Variants in KIR2DL4 observed in about 807,000 individuals in gnomAD.
The protein encoded by KIR2DL4 is killer cell immunoglobulin like receptor, two Ig domains and long cytoplasmic tail 4.
In KIR2DL4, 41 loss-of-function variants were observed where a neutral mutation model predicts 31.0. The ratio of observed to expected loss-of-function variants is 1.32; its 90% CI spans 1.03 to 1.72. KIR2DL4 has a LOEUF of 1.72. Among genes scored for constraint, KIR2DL4 ranks in the 40% most tolerant of loss-of-function variants. KIR2DL4 has a pLI of 0.00. For synonymous variants in KIR2DL4, 164 were observed against 133.6 expected (o/e 1.23, Z -1.57); for missense variants, 438 against 353.7 (o/e 1.24, Z -1.91).
chr19:54,807,541 G>C (rs1485830042), intron 4 of KIR2DL4, among the ~76,000 whole-genome samples: 2 of 150,538 alleles, frequency 1.3e-5, no homozygotes, highest in Admixed American at 6.6e-5. Context: ...GGATTCAAGT[G>C]ATTCTCCAGC....
intron 2 of KIR2DL4, among the ~76,000 whole-genome samples, chr19:54,804,144 T>C (rs2060351140): frequency 6.7e-6 from 1 of 150,070 alleles, no homozygotes; most frequent in South Asian, 2.1e-4. Flanking sequence ...TAAGAGGAGA[T>C]CCTGGTATGC....
chr19:54,814,471 G>T (rs2061099592), exon 8 of KIR2DL4: 2 of 305,390 alleles, frequency 6.5e-6, no homozygotes, highest in African/African-American at 2.3e-5. Flanking sequence ...AAATTTTTTT[G>T]ATTTCAGTGT....
chr19:54,806,321 A>G, intron 4 of KIR2DL4, 77 bp downstream of exon 4: 1 of 1,430,014 alleles, frequency 7.0e-7, no homozygotes, highest in Non-Finnish European at 9.7e-7. Context: ...GATGATGGAG[A>G]GAAGCATGGA....
chr19:54,806,859 A>G (rs370461396), intron 4 of KIR2DL4, among the ~76,000 whole-genome samples: 1 of 150,278 alleles, frequency 6.7e-6, no homozygotes, highest in African/African-American at 2.5e-5. Flanking sequence ...AGACAAAAAA[A>G]ATAAAATTAG....
chr19:54,807,744 T>C (rs4969516), intron 4 of KIR2DL4, among the ~76,000 whole-genome samples: 48,407 of 146,354 alleles, frequency 0.33, 9,349 homozygotes, highest in African/African-American at 0.5. Context: ...AATCTCTTTT[T>C]AGTTTTTAAG....
At chr19:54,803,729 A>G in intron 1 of KIR2DL4, 38 bp downstream of exon 1, 1 of 1,601,554 alleles carries the variant, frequency 6.2e-7, no homozygotes, top group South Asian at 1.1e-5. Context: ...GGGTTACACT[A>G]TGGGCCTGCA....
intron 5 of KIR2DL4, among the ~76,000 whole-genome samples, chr19:54,812,618 TGC>T (rs2060929508): frequency 6.7e-6 from 1 of 150,330 alleles, no homozygotes; most frequent in African/African-American, 2.5e-5. Context: ...TATTTCTGGC[TGC>T]GGCCTCAGGC....
At position 54,806,419 on chromosome 19, in the gene KIR2DL4, G is replaced by C. The variant is rs879088424; in HGVS notation, c.655+175G>C. Among the ~76,000 whole-genome samples the C allele has an allele frequency of 8.6e-5, 13 of 151,364 alleles. No individual in the cohort carries two copies. In the South Asian group the frequency reaches 1.1e-3, roughly 12 times the overall value. On this transcript the variant is annotated intron_variant, in intron 4 of 7. Transcript: ENST00000359085. ...GGGCACCTCCAAACCCTCCTGCATGGCCTGCATGGAAGCTTGCAGTAAGGG... is the reference window on the plus strand; with the variant it reads ...GGGCACCTCCAAACCCTCCTGCATGCCCTGCATGGAAGCTTGCAGTAAGGG...
intron 3 of KIR2DL4, among the ~76,000 whole-genome samples, chr19:54,805,500 C>T (rs868553162): frequency 3.3e-5 from 5 of 150,294 alleles, no homozygotes; most frequent in Middle Eastern, 3.4e-3. Context: ...CCACGAGCCA[C>T]GAAGGGGCTG....
intron 6 of KIR2DL4, chr19:54,813,354 C>T: frequency 6.8e-7 from 1 of 1,466,870 alleles, no homozygotes; most frequent in Non-Finnish European, 9.1e-7. Flanking sequence ...AGAGGCAGAG[C>T]TTTCTAGAGA....
At position 54,813,289 on chromosome 19, in the gene KIR2DL4, C is replaced by G. The variant is rs1344828731; in HGVS notation, c.810+61C>G. The G allele has an allele frequency of 2.5e-6, 4 of 1,595,902 alleles. No homozygotes were observed. In the African/African-American group the frequency reaches 5.6e-5, roughly 22 times the overall value. On this transcript the variant is annotated intron_variant, in intron 6 of 7. Transcript: ENST00000359085. ...GCCCTGTGCGGAAGCAGGATGGGAG[C>G]ACGCAGGTGTGTGTTCCTCACTGGC... is the stretch of plus-strand genomic sequence containing the variant.
chr19:54,813,008 G>A, intron 5 of KIR2DL4: 4 of 695,296 alleles, frequency 5.8e-6, no homozygotes, highest in Non-Finnish European at 9.3e-6. Flanking sequence ...CCCGCCTCGT[G>A]GGTGCTTGTC....
chr19:54,811,989 T>A (rs1446228868), intron 5 of KIR2DL4, among the ~76,000 whole-genome samples: 2 of 151,418 alleles, frequency 1.3e-5, no homozygotes, highest in Non-Finnish European at 2.9e-5. Context: ...CTTATGTTGA[T>A]TTCAATGTCA....
intron 6 of KIR2DL4, chr19:54,813,303 T>C: frequency 1.3e-6 from 2 of 1,584,440 alleles, no homozygotes; most frequent in East Asian, 2.3e-5. Context: ...CAGGTGTGTG[T>C]TCCTCACTGG....
exon 8 of KIR2DL4, chr19:54,814,037 G>A (rs777751353): frequency 1.2e-6 from 2 of 1,612,076 alleles, no homozygotes; most frequent in Admixed American, 1.7e-5. Context: ...GGCCTTGATG[G>A]GATCTTCTAG....
At chr19:54,808,069 A>G (rs1241059036) in intron 4 of KIR2DL4, among the ~76,000 whole-genome samples, 1 of 150,660 alleles carries the variant, frequency 6.6e-6, no homozygotes. Flanking sequence ...GAGGTGTTTG[A>G]GCTTCTTTTA....
intron 6 of KIR2DL4, chr19:54,813,280 G>GGATGGGAGCACGCA: frequency 6.3e-7 from 1 of 1,598,734 alleles, no homozygotes; most frequent in Non-Finnish European, 8.5e-7. Flanking sequence ...TGCGGAAGCA[G>GGATGGGAGCACGCA]GATGGGAGCA....
chr19:54,805,164 T>G, intron 3 of KIR2DL4, 87 bp downstream of exon 3: 1 of 1,320,098 alleles, frequency 7.6e-7, no homozygotes, highest in Non-Finnish European at 1.0e-6. Flanking sequence ...AGTCCGATCA[T>G]CCAGGCCCCA....
At chr19:54,813,332 A>T (rs2060990281) in intron 6 of KIR2DL4, 2 of 1,541,448 alleles carry the variant, frequency 1.3e-6, no homozygotes, top group Non-Finnish European at 1.7e-6. Context: ...TCTCTGGCCC[A>T]AGGCAGGAGC....
Sources: allele counts gnomAD v4.1 joint callset (sites outside exome capture counted in the v4.1 genomes callset), GRCh38; gene constraint gnomAD v4.1.1; transcripts MANE v1.5; gene names NCBI Gene and HGNC (gene_info 2026-07-23, HGNC 2026-07-21).